GDA: variants seen among roughly 807,000 people sequenced by gnomAD.
GDA encodes the protein guanine deaminase, also known as cytoplasmic PSD-95 interactor.
Under a neutral mutation model 59.6 loss-of-function variants are expected in GDA, and 18 were observed. The observed-to-expected ratio is 0.30, with a 90% confidence interval of 0.21 to 0.45. The LOEUF is 0.45. Ranked by LOEUF, GDA falls within the 20% of genes least tolerant of loss-of-function variation. The pLI is 1.00. For synonymous variants in GDA, 201 were observed against 201.1 expected (o/e 1.00, Z 0.00); for missense variants, 427 against 552.3 (o/e 0.77, Z 2.27).
In GDA at chr9:72,247,397, C is replaced by T. The variant is rs1274640047; in HGVS notation, c.1267-9C>T. ...GAGTCTTTCTTATTACTTTTATTTT[C>T]CATTTTAGGCTGTTATCCAGAAGTT... is the stretch of plus-strand genomic sequence containing the variant. On this transcript the variant is annotated splice_polypyrimidine_tract_variant and intron_variant, in intron 12 of 13. Coordinates refer to ENST00000358399, the MANE Select transcript of GDA (RefSeq NM_004293.5). 6.8e-7 allele frequency: 1 copy of T among 1,460,276 alleles called. No individual in the cohort carries two copies. The highest frequency in any genetic ancestry group is 1.1e-5 in the South Asian group (1 of 88,100). 90.5% of individuals were successfully genotyped at this position (1,460,276 alleles called of 1,614,324 possible).
At chr9:72,164,560 T>A (rs1182750816) in intron 1 of GDA, among the ~76,000 whole-genome samples, 1 of 152,210 alleles carries the variant, frequency 6.6e-6, no homozygotes, top group Non-Finnish European at 1.5e-5. Flanking sequence ...TAGTGTTTTA[T>A]CATATGAGAA....
At chr9:72,190,235 T>C (rs1587554583) in intron 1 of GDA, among the ~76,000 whole-genome samples, 1 of 152,182 alleles carries the variant, frequency 6.6e-6, no homozygotes. Context: ...CAAGCAATTC[T>C]CCTGCCTCAG....
At chr9:72,234,218 T>A (rs1197499920) in intron 10 of GDA, among the ~76,000 whole-genome samples, 1 of 152,112 alleles carries the variant, frequency 6.6e-6, no homozygotes. Context: ...TAACTGATAT[T>A]GGTAGAAATC....
rs537127177 is a variant in GDA at position 72,222,396 on chromosome 9, C to G, written c.607-724C>G. ...AAAAGTGTCTGTTCATGTGCTTTGC[C>G]CACTTTTTAATTGGGTTGTTTTTTT... On this transcript the variant is annotated intron_variant, in intron 6 of 13. Transcript: ENST00000358399. 3.9e-5 allele frequency among the ~76,000 whole-genome samples: 6 copies of G among 152,074 alleles called. No homozygotes were observed. The South Asian group carries it at 1.0e-3, about 26-fold the overall frequency.
At chr9:72,154,271 A>G (rs184385855) in intron 1 of GDA, among the ~76,000 whole-genome samples, 5 of 152,234 alleles carry the variant, frequency 3.3e-5, no homozygotes, top group African/African-American at 1.2e-4. Flanking sequence ...GGTGAGACCT[A>G]ACCTGCCTGA....
rs201774507 is a variant in GDA at position 72,206,368 on chromosome 9, AT to A, written c.384+3635del. Among the ~76,000 whole-genome samples, 247 of 150,076 alleles carry A rather than the reference AT, an allele frequency of 1.6e-3. 1 individual carries two copies. Among genetic ancestry groups the A allele is most frequent in the Admixed American group, 3.3e-3 (49 of 15,018 alleles). On this transcript the variant is annotated intron_variant, in intron 3 of 13. Transcript: ENST00000358399. ...TTATATCATCTGAGATTTTAGTTCC[AT>A]TTTTTTTTGCCGTGTATACTATATT...
At chr9:72,245,043 T>C (rs933089340) in intron 11 of GDA, 105 bp from the exon 12 acceptor site, 5 of 988,880 alleles carry the variant, frequency 5.1e-6, no homozygotes, top group Non-Finnish European at 7.6e-6. Flanking sequence ...CTAATTTTTT[T>C]TTTTCTCCTA....
chr9:72,248,177 T>G, intron 13 of GDA, 95 bp from the exon 14 acceptor site: 1 of 842,172 alleles, frequency 1.2e-6, no homozygotes, highest in South Asian at 1.4e-5. Flanking sequence ...TTTCCTCTCC[T>G]AGAAGTATCT....
At chr9:72,171,687 T>G (rs763148704) in intron 1 of GDA, among the ~76,000 whole-genome samples, 7 of 152,172 alleles carry the variant, frequency 4.6e-5, no homozygotes, top group Non-Finnish European at 1.0e-4. Flanking sequence ...TTTTCCCCTT[T>G]AACCTTCATA....
chr9:72,254,088 G>A (rs938766691), downstream of GDA, among the ~76,000 whole-genome samples: 2 of 152,166 alleles, frequency 1.3e-5, no homozygotes, highest in African/African-American at 4.8e-5. Flanking sequence ...CTCACCAATG[G>A]CAGCAGGTGT....
chr9:72,249,965 TA>T lies in GDA; in HGVS notation c.*1626del. On this transcript the variant is annotated 3_prime_UTR_variant, in exon 14 of 14. Transcript: ENST00000358399. Reference sequence around the variant, plus strand: ...GATTTGATTATGTATACATGACACCTAAAGAGGGAACAAAAGTTAGTTTTAT... The same window carrying T: ...GATTTGATTATGTATACATGACACCTAAGAGGGAACAAAAGTTAGTTTTAT... 1.0e-6 allele frequency: 1 copy of T among 954,768 alleles called. No individual in the cohort carries two copies. Among genetic ancestry groups the T allele is most frequent in the Non-Finnish European group, 1.2e-6 (1 of 802,104 alleles). 59.1% of individuals were successfully genotyped at this position (954,768 alleles called of 1,614,324 possible). A position where few individuals can be genotyped will look rare whatever the true frequency, so the allele number is the denominator to read the frequency against.
chr9:72,218,595 C>T (rs1426120592), intron 5 of GDA, among the ~76,000 whole-genome samples: 1 of 152,202 alleles, frequency 6.6e-6, no homozygotes, highest in Non-Finnish European at 1.5e-5. Flanking sequence ...GCCACCATCC[C>T]TGCAGGCATA....
At chr9:72,202,882 AGTCCAG>A in intron 3 of GDA, 140 bp downstream of exon 3, 3 of 485,388 alleles carry the variant, frequency 6.2e-6, no homozygotes, top group South Asian at 4.4e-5. Flanking sequence ...TCTTTTTCAC[AGTCCAG>A]TGAGTTTGTG....
intron 4 of GDA, among the ~76,000 whole-genome samples, chr9:72,211,409 A>C (rs1835347242): frequency 6.6e-6 from 1 of 152,272 alleles, no homozygotes; most frequent in Non-Finnish European, 1.5e-5. Context: ...GATAAGTAAC[A>C]TGCCCAGGGT....
At position 72,250,779 on chromosome 9, in the gene GDA, C is replaced by A. The variant is rs1442490897; in HGVS notation, c.*2437C>A. ...GAAACAATTCACTTACCAGCCTCCT[C>A]ACCCCATCCTCCACCATTTCCTTAA... On this transcript the variant is annotated 3_prime_UTR_variant, in exon 14 of 14. Coordinates refer to ENST00000358399, the MANE Select transcript of GDA (RefSeq NM_004293.5). The A allele has an allele frequency of 2.5e-6, 4 of 1,609,206 alleles. No homozygotes were observed. The highest frequency in any genetic ancestry group is 3.4e-6 in the Non-Finnish European group (4 of 1,176,694).
intron 2 of GDA, among the ~76,000 whole-genome samples, chr9:72,197,946 G>A (rs181734280): frequency 6.6e-6 from 1 of 152,132 alleles, no homozygotes; most frequent in South Asian, 2.1e-4. Flanking sequence ...GAGTGAATCA[G>A]ATGGTGGCCA....
intron 1 of GDA, among the ~76,000 whole-genome samples, chr9:72,137,206 T>TA (rs11343974): frequency 1.6e-3 from 95 of 57,970 alleles, no homozygotes; most frequent in African/African-American, 3.6e-3. Flanking sequence ...ATAAATAAAT[T>TA]AAAAAAAAAA....
At chr9:72,134,321 T>C (rs186450776) in intron 1 of GDA, among the ~76,000 whole-genome samples, 18 of 152,304 alleles carry the variant, frequency 1.2e-4, no homozygotes, top group Non-Finnish European at 2.5e-4. Flanking sequence ...ACTAGCTCCC[T>C]GACTGAGGGT....
intron 12 of GDA, among the ~76,000 whole-genome samples, chr9:72,246,026 A>C (rs1011556519): frequency 2.0e-5 from 3 of 152,214 alleles, no homozygotes; most frequent in Non-Finnish European, 4.4e-5. Flanking sequence ...TATTATATGA[A>C]GTTTGTACCA....
Sources: allele counts gnomAD v4.1 joint callset (sites outside exome capture counted in the v4.1 genomes callset), GRCh38; gene constraint gnomAD v4.1.1; transcripts MANE v1.5; gene names NCBI Gene and HGNC (gene_info 2026-07-23, HGNC 2026-07-21).